Variants in CFAP69 observed in about 807,000 individuals in gnomAD.
CFAP69 encodes the protein cilia- and flagella-associated protein 69.
In CFAP69, 92 loss-of-function variants were observed where a neutral mutation model predicts 123.0. The ratio of observed to expected loss-of-function variants is 0.75; its 90% confidence interval spans 0.63 to 0.89. The LOEUF (loss-of-function observed/expected upper bound fraction) is 0.89, where lower values mean the gene tolerates loss of function less well. Among genes scored for constraint, CFAP69 ranks in the 40% least tolerant of loss-of-function variants. CFAP69 has a pLI of 0.00. For synonymous variants in CFAP69, 380 were observed against 364.3 expected, an observed-to-expected ratio of 1.04 and a Z score of -0.49; for missense variants, 1,067 against 1,096.9, an observed-to-expected ratio of 0.97 and a Z score of 0.39.
chr7:90,279,905 T>C lies in CFAP69; in HGVS notation c.1372+12T>C. 6.5e-7 allele frequency: 1 copy of C among 1,540,058 alleles called. No homozygotes were observed. Among genetic ancestry groups the C allele is most frequent in the Non-Finnish European group, 8.7e-7 (1 of 1,146,484 alleles). ...GTGTGAGAGTGAAGGTGAGTGGCCC[T>C]TCAAGATTCTTGTCAAAATTCTAAT... On this transcript the variant is annotated intron_variant, in intron 12 of 22. Transcript: ENST00000389297.
At chr7:90,257,358 T>C (rs1797778476) in intron 2 of CFAP69, among the ~76,000 whole-genome samples, 1 of 152,212 alleles carries the variant, frequency 6.6e-6, no homozygotes, top group Non-Finnish European at 1.5e-5. Flanking sequence ...TGATATTTTG[T>C]TACATGCATA....
the CFAP69 span, chr7:90,319,159 T>C: frequency 2.6e-6 from 1 of 388,180 alleles, no homozygotes; most frequent in Non-Finnish European, 4.5e-6. Flanking sequence ...TCATTTAAAA[T>C]TGTAAGTCAG....
rs17869512 is a variant in CFAP69 at position 90,297,645 on chromosome 7, T to G, written c.1776-104T>G. The stretch of plus-strand genomic sequence containing the variant: ...ACATTAGCTACTTGATTTAAGAAAA[T>G]GAAGAAAACATATTCTTTGAAAATG... On this transcript the variant is annotated intron_variant, in intron 15 of 22. Transcript: ENST00000389297. 1,035 of 699,312 alleles carry G rather than the reference T, an allele frequency of 1.5e-3. 17 individuals are homozygous for G. In the African/African-American group the frequency reaches 0.018, roughly 12 times the overall value. 43.3% of individuals were successfully genotyped at this position (699,312 alleles called of 1,614,324 possible).
chr7:90,292,894 AT>A (rs1554373708), intron 15 of CFAP69, among the ~76,000 whole-genome samples: 2 of 152,208 alleles, frequency 1.3e-5, no homozygotes, highest in Non-Finnish European at 2.9e-5. Context: ...AGAAACCTGC[AT>A]TTAAGAATAC....
Position 90,304,072 on chromosome 7 carries a change from T to C in CFAP69, c.2154T>C (p.Ile718=). 1.9e-6 allele frequency: 3 copies of C among 1,550,840 alleles called. No individual in the cohort carries two copies. Among genetic ancestry groups the C allele is most frequent in the Non-Finnish European group, 1.7e-6 (2 of 1,146,520 alleles). The change falls in exon 18 of 23, where the codon ATT becomes ATC. Residue 718 remains isoleucine (I), a synonymous_variant. Transcript: ENST00000389297. The part of the protein sequence containing the change: ...SIAVMDVSEN[I]RAKIYAILGK... ...CGGTTATGGATGTTTCTGAGAATAT[T>C]AGAGCAAAAATTTATGCTATATTGG...
intron 15 of CFAP69, among the ~76,000 whole-genome samples, chr7:90,292,152 G>T (rs1791298009): frequency 6.6e-6 from 1 of 152,108 alleles, no homozygotes. Flanking sequence ...ATAATTATTT[G>T]CCATATGGGC....
chr7:90,305,927 TTTTC>T (rs1451976246), intron 19 of CFAP69, among the ~76,000 whole-genome samples: 1 of 147,988 alleles, frequency 6.8e-6, no homozygotes. Context: ...TAAACCTCTA[TTTTC>T]TTTCTTTCCT....
chr7:90,288,177 A>G (rs1790582277), intron 14 of CFAP69, 57 bp from the exon 15 acceptor site: 4 of 1,406,254 alleles, frequency 2.8e-6, no homozygotes, highest in Non-Finnish European at 4.0e-6. Context: ...TAAAGTAGGA[A>G]AGGGAGGAAT....
At chr7:90,302,777 T>C (rs1793005457) in intron 17 of CFAP69, 1 of 152,162 alleles carries the variant, frequency 6.6e-6, no homozygotes, top group Admixed American at 6.5e-5. Flanking sequence ...TTGCTCTTTG[T>C]TTAGGATTTC....
At chr7:90,316,179 A>G in the CFAP69 span, among the ~76,000 whole-genome samples, 1 of 152,240 alleles carries the variant, frequency 6.6e-6, no homozygotes, top group Non-Finnish European at 1.5e-5. Flanking sequence ...CATCTTATGA[A>G]GAAATATTTG....
intron 15 of CFAP69, among the ~76,000 whole-genome samples, chr7:90,295,300 T>C (rs1230406407): frequency 1.3e-5 from 2 of 152,108 alleles, no homozygotes; most frequent in African/African-American, 4.8e-5. Flanking sequence ...AAATCCAGGG[T>C]CGGTCAAGTT....
rs1794165274 is a variant in CFAP69, at chr7:90,310,143, A to G, written c.2731A>G (p.Ile911Val). 3.1e-6 allele frequency: 5 copies of G among 1,613,954 alleles called. No homozygotes were observed. The highest frequency in any genetic ancestry group is 4.2e-6 in the Non-Finnish European group (5 of 1,179,892). Residue 911 changes from isoleucine (I) to valine (V), a missense_variant, in exon 23 of 23, where the codon ATT (isoleucine) becomes GTT (valine). Ile to Val is a conservative substitution (Grantham distance 29). Transcript: ENST00000389297. ...LVGGPLVDTD[I>V]ALKKLPIRGG... ...AGGAGGACCTCTGGTTGATACGGATATTGCTCTTAAAAAACTGCCCATTCG... is the reference window on the plus strand; with the variant it reads ...AGGAGGACCTCTGGTTGATACGGATGTTGCTCTTAAAAAACTGCCCATTCG...
the CFAP69 span, chr7:90,318,063 A>G: frequency 6.6e-6 from 1 of 152,200 alleles, no homozygotes; most frequent in Non-Finnish European, 1.5e-5. Context: ...GAAGTGGGAA[A>G]CAGACCAAAT....
rs1796194627 is a variant in CFAP69 at position 90,245,327 on chromosome 7, C to T, written c.-98C>T. On this transcript the variant is annotated 5_prime_UTR_variant, in exon 1 of 23. Transcript: ENST00000389297. Reference sequence around the variant, plus strand: ...GCGACTCTAGCGACTCTCAGGCTGCCTTCCCTTCTCGGTGGCGGGGCCTCT... The same window carrying T: ...GCGACTCTAGCGACTCTCAGGCTGCTTTCCCTTCTCGGTGGCGGGGCCTCT... 1.4e-6 allele frequency: 2 copies of T among 1,416,522 alleles called. No individual in the cohort carries two copies. Among genetic ancestry groups the T allele is most frequent in the Non-Finnish European group, 1.8e-6 (2 of 1,084,144 alleles). 87.7% of individuals were successfully genotyped at this position (1,416,522 alleles called of 1,614,324 possible). A position where few individuals can be genotyped will look rare whatever the true frequency, so the allele number is the denominator to read the frequency against.
chr7:90,286,432 TC>T, intron 14 of CFAP69, 33 bp downstream of exon 14: 1 of 1,603,542 alleles, frequency 6.2e-7, no homozygotes. Context: ...TGTTCAGGTC[TC>T]CCAGTCACCT....
At chr7:90,265,501 G>A (rs1799030268) in intron 5 of CFAP69, 124 bp downstream of exon 5, 1 of 614,164 alleles carries the variant, frequency 1.6e-6, no homozygotes, top group East Asian at 2.8e-5. Context: ...ATCTTCTCTT[G>A]TTAGTGAATT....
chr7:90,280,834 A>G (rs992388242), intron 12 of CFAP69, among the ~76,000 whole-genome samples: 19 of 152,318 alleles, frequency 1.2e-4, no homozygotes, highest in Non-Finnish European at 2.2e-4. Context: ...ATGCATTTTC[A>G]TTAGATCAAG....
intron 18 of CFAP69, 141 bp downstream of exon 18, chr7:90,304,247 C>A (rs1793224848): frequency 7.3e-7 from 1 of 1,378,874 alleles, no homozygotes; most frequent in African/African-American, 1.5e-5. Flanking sequence ...ACCCCAATTC[C>A]CAAACTGCAC....
chr7:90,264,347 GGTTATAGAA>G (rs1392023137), intron 4 of CFAP69, among the ~76,000 whole-genome samples: 14 of 151,766 alleles, frequency 9.2e-5, no homozygotes, highest in African/African-American at 3.1e-4. Flanking sequence ...AAATAACTTT[GGTTATAGAA>G]GTTGTGAAAT....
Sources: gnomAD v4.1 joint callset for allele counts (sites outside exome capture counted in the v4.1 genomes callset) on GRCh38, gnomAD v4.1.1 for gene constraint, MANE v1.5 for transcripts, NCBI Gene and HGNC (gene_info 2026-07-23, HGNC 2026-07-21) for gene names.